ATRNL1: variants seen among roughly 807,000 people sequenced by gnomAD.
The protein encoded by ATRNL1 is attractin like 1.
ATRNL1 carries 95 observed loss-of-function variants against 182.7 expected under a neutral mutation model. That is an observed-to-expected ratio of 0.52 (90% CI 0.44 to 0.62). The LOEUF (loss-of-function observed/expected upper bound fraction) is 0.62. ATRNL1 is among the 20% of genes least tolerant of loss of function. The pLI is 0.00. For synonymous variants in ATRNL1, 576 were observed against 568.3 expected (o/e 1.01, Z -0.19); for missense variants, 1,471 against 1,679.5 (o/e 0.88, Z 2.17).
At chr10:115,861,757 G>T (rs1208428930) in intron 28 of ATRNL1, among the ~76,000 whole-genome samples, 1 of 151,762 alleles carries the variant, frequency 6.6e-6, no homozygotes, top group Non-Finnish European at 1.5e-5. Context: ...TTGATACTCT[G>T]GTCATTCATA....
At position 115,093,502 on chromosome 10, in the gene ATRNL1, T is replaced by G; in HGVS notation, c.-249T>G. 1 of 639,412 alleles carries G rather than the reference T, an allele frequency of 1.6e-6. No homozygotes were observed. The highest frequency in any genetic ancestry group is 3.5e-5 in the East Asian group (1 of 28,956). 39.6% of individuals were successfully genotyped at this position (639,412 alleles called of 1,614,324 possible). A position where few individuals can be genotyped will look rare whatever the true frequency, so the allele number is the denominator to read the frequency against. On this transcript the variant is annotated 5_prime_UTR_variant, in exon 1 of 29. Coordinates refer to ENST00000355044, the MANE Select transcript of ATRNL1 (RefSeq NM_207303.4). This position sits in a 1 kb window ranked among gnomAD's most constrained non-coding sequence, Gnocchi z 6.1. Reference sequence around the variant, plus strand: ...GGCCGGGTCCGGGACGCCGCGGCTGTGGGGTCGGCCCGCTAAGGACAAGGT... The same window carrying G: ...GGCCGGGTCCGGGACGCCGCGGCTGGGGGGTCGGCCCGCTAAGGACAAGGT...
chr10:115,297,866 T>G lies in ATRNL1; in HGVS notation c.2416-2168T>G, dbSNP rs143999565. 5.7e-3 allele frequency among the ~76,000 whole-genome samples: 862 copies of G among 152,298 alleles called. 10 individuals are homozygous for G. The highest frequency in any genetic ancestry group is 0.02 in the African/African-American group (831 of 41,570). ...ACCTTGAAATGTGCTTTTTTGAGAT[T>G]GCATATTTCAAGATTGTTATGTTAG... is the stretch of plus-strand genomic sequence containing the variant. On this transcript the variant is annotated intron_variant, in intron 15 of 28. Coordinates refer to ENST00000355044, the MANE Select transcript of ATRNL1 (RefSeq NM_207303.4).
intron 28 of ATRNL1, among the ~76,000 whole-genome samples, chr10:115,869,602 C>T (rs1298011979): frequency 2.0e-5 from 3 of 152,036 alleles, no homozygotes; most frequent in African/African-American, 7.2e-5. Context: ...ATGCTAGTCT[C>T]CCCCGTAGCT....
intron 26 of ATRNL1, among the ~76,000 whole-genome samples, chr10:115,640,091 C>T (rs189921687): frequency 5.9e-5 from 9 of 152,194 alleles, no homozygotes; most frequent in Non-Finnish European, 2.9e-5. Flanking sequence ...CATCCATGTC[C>T]CTGCCAAGGA....
At chr10:115,923,038 A>G (rs913705707) in intron 28 of ATRNL1, among the ~76,000 whole-genome samples, 11 of 152,186 alleles carry the variant, frequency 7.2e-5, no homozygotes, top group Non-Finnish European at 1.6e-4. Context: ...ATGCATCTCA[A>G]AAAGATTTTT....
At chr10:115,820,728 T>G (rs1950274174) in intron 27 of ATRNL1, among the ~76,000 whole-genome samples, 1 of 152,092 alleles carries the variant, frequency 6.6e-6, no homozygotes, top group Non-Finnish European at 1.5e-5. Flanking sequence ...GTGCATGCTC[T>G]GAAGTCACAC....
chr10:115,654,437 T>G (rs1373748781), intron 26 of ATRNL1, among the ~76,000 whole-genome samples: 2 of 152,080 alleles, frequency 1.3e-5, no homozygotes, highest in African/African-American at 4.8e-5. Context: ...CAGGCTGGTC[T>G]CCAACTCCTG....
At chr10:115,248,182 C>T (rs1850725197) in intron 10 of ATRNL1, among the ~76,000 whole-genome samples, 1 of 152,184 alleles carries the variant, frequency 6.6e-6, no homozygotes, top group Admixed American at 6.5e-5. Flanking sequence ...TTGAATGTTT[C>T]TAACACAAAG....
intron 27 of ATRNL1, among the ~76,000 whole-genome samples, chr10:115,842,927 T>C (rs1192334201): frequency 1.3e-5 from 2 of 152,068 alleles, no homozygotes; most frequent in African/African-American, 4.8e-5. Flanking sequence ...CAATAATGCA[T>C]GTAAAAAGCT....
intron 1 of ATRNL1, among the ~76,000 whole-genome samples, chr10:115,100,651 T>G (rs1182690424): frequency 6.6e-6 from 1 of 152,206 alleles, no homozygotes; most frequent in Admixed American, 6.5e-5. Context: ...GATTATTGTT[T>G]CTTTGTAAGT....
At chr10:115,319,268 C>A (rs1340231455) in intron 18 of ATRNL1, among the ~76,000 whole-genome samples, 7 of 152,108 alleles carry the variant, frequency 4.6e-5, no homozygotes, top group Admixed American at 4.6e-4. Context: ...GTAATGATTT[C>A]AATTCTTTTC....
chr10:115,281,153 A>G (rs1463095261), intron 13 of ATRNL1, among the ~76,000 whole-genome samples: 1 of 152,220 alleles, frequency 6.6e-6, no homozygotes, highest in African/African-American at 2.4e-5. Flanking sequence ...GTAGTTCACC[A>G]CTTGTAGAGG....
chr10:115,603,148 T>C (rs905795411), intron 26 of ATRNL1, among the ~76,000 whole-genome samples: 2 of 152,144 alleles, frequency 1.3e-5, no homozygotes, highest in African/African-American at 4.8e-5. Flanking sequence ...GGACGTTTCA[T>C]TTCATAGGCA....
chr10:115,529,890 C>G (rs894282692), intron 25 of ATRNL1, among the ~76,000 whole-genome samples: 14 of 152,084 alleles, frequency 9.2e-5, no homozygotes, highest in Non-Finnish European at 1.8e-4. Context: ...GTCACTCCCC[C>G]CTTTTACATA....
At chr10:115,442,297 C>CTCTCTCTCTCTCTCTT (rs1385253722) in intron 21 of ATRNL1, among the ~76,000 whole-genome samples, 21 of 133,960 alleles carry the variant, frequency 1.6e-4, no homozygotes, top group African/African-American at 5.3e-4. Context: ...CTCTCTCTCT[C>CTCTCTCTCTCTCTCTT]TCTCTCTGTG....
chr10:115,887,104 C>G (rs996270387), intron 28 of ATRNL1, among the ~76,000 whole-genome samples: 1 of 152,178 alleles, frequency 6.6e-6, no homozygotes, highest in African/African-American at 2.4e-5. Flanking sequence ...GGACCCCACA[C>G]CAGACCAACT....
chr10:115,198,604 G>A (rs1205089442), intron 8 of ATRNL1, among the ~76,000 whole-genome samples: 1 of 151,986 alleles, frequency 6.6e-6, no homozygotes, highest in African/African-American at 2.4e-5. Flanking sequence ...TTAACTTCTC[G>A]ACTATGTTTT....
chr10:115,613,594 G>T (rs782042822), intron 26 of ATRNL1, among the ~76,000 whole-genome samples: 9 of 152,108 alleles, frequency 5.9e-5, no homozygotes, highest in Non-Finnish European at 1.0e-4. Flanking sequence ...AATTAGAGAA[G>T]AATTTATGTT....
At chr10:115,914,185 G>T (rs948082558) in intron 28 of ATRNL1, among the ~76,000 whole-genome samples, 6 of 152,180 alleles carry the variant, frequency 3.9e-5, no homozygotes, top group Admixed American at 3.3e-4. Flanking sequence ...CACCATGATT[G>T]TAAGTTTCTT....
Sources: allele counts gnomAD v4.1 joint callset (sites outside exome capture counted in the v4.1 genomes callset), GRCh38; gene constraint gnomAD v4.1.1; non-coding constraint Gnocchi (gnomAD v3.1); transcripts MANE v1.5; gene names NCBI Gene and HGNC (gene_info 2026-07-23, HGNC 2026-07-21).